Variants in PTPRD observed in about 807,000 individuals in gnomAD.
PTPRD encodes protein tyrosine phosphatase receptor type D, also known as receptor-type tyrosine-protein phosphatase delta.
Under a neutral mutation model 214.5 loss-of-function variants are expected in PTPRD, and 34 were observed. The ratio of observed to expected loss-of-function variants is 0.16; its 90% CI spans 0.12 to 0.21. The LOEUF (loss-of-function observed/expected upper bound fraction) is 0.21. PTPRD is among the 10% of genes least tolerant of loss of function. The pLI is 1.00. For synonymous variants in PTPRD, 1,128 were observed against 845.7 expected (o/e 1.33, Z -5.79); for missense variants, 2,545 against 2,398.7 (o/e 1.06, Z -1.27).
chr9:8,975,113 A>G lies in PTPRD; in HGVS notation c.-104+43584T>C, dbSNP rs117235886. ...ACTCTGTCTCAAAAAAAAAAAAAAAAAGATTTTCAGAGACTGTTTATCAAA... is the reference window on the plus strand; with the variant it reads ...ACTCTGTCTCAAAAAAAAAAAAAAAGAGATTTTCAGAGACTGTTTATCAAA... On this transcript the variant is annotated intron_variant, in intron 11 of 45. Transcript: ENST00000381196. 0.01 allele frequency among the ~76,000 whole-genome samples: 1,579 copies of G among 151,646 alleles called. 78 individuals are homozygous for G. The East Asian group carries it at 0.12, about 12-fold the overall frequency.
chr9:8,895,017 T>C (rs765616834), intron 11 of PTPRD, among the ~76,000 whole-genome samples: 8 of 152,228 alleles, frequency 5.3e-5, no homozygotes, highest in Admixed American at 1.3e-4. Flanking sequence ...TTTGCATATA[T>C]ATTGTCACAA....
chr9:10,009,405 G>C (rs752805327), intron 4 of PTPRD, among the ~76,000 whole-genome samples: 4 of 151,930 alleles, frequency 2.6e-5, no homozygotes, highest in Admixed American at 6.6e-5. Flanking sequence ...GGTCCAGAAA[G>C]CCAGGACAAC....
chr9:9,816,157 G>A (rs1304077084), intron 5 of PTPRD, among the ~76,000 whole-genome samples: 2 of 151,976 alleles, frequency 1.3e-5, no homozygotes, highest in Admixed American at 6.6e-5. Flanking sequence ...CTTCAATAAA[G>A]CTGGAAAACA....
At chr9:9,280,067 A>G (rs1179924828) in intron 9 of PTPRD, among the ~76,000 whole-genome samples, 1 of 151,330 alleles carries the variant, frequency 6.6e-6, no homozygotes, top group Non-Finnish European at 1.5e-5. Context: ...ACTGTTTTAC[A>G]AAGTGTGGTA....
intron 3 of PTPRD, among the ~76,000 whole-genome samples, chr9:10,041,584 T>C (rs541420961): frequency 3.0e-4 from 46 of 152,014 alleles, no homozygotes; most frequent in African/African-American, 1.1e-3. Flanking sequence ...TACCTTGTTA[T>C]ATTAGAGACT....
intron 2 of PTPRD, among the ~76,000 whole-genome samples, chr9:10,556,399 G>C (rs1306247218): frequency 6.6e-6 from 1 of 151,882 alleles, no homozygotes; most frequent in Non-Finnish European, 1.5e-5. Context: ...TGAAAACAGT[G>C]TTTTTCCATG....
At chr9:8,658,830 T>TTCCTTGATA (rs570572630) in intron 12 of PTPRD, among the ~76,000 whole-genome samples, 97 of 152,268 alleles carry the variant, frequency 6.4e-4, no homozygotes, top group African/African-American at 2.2e-3. Context: ...AATACTACAT[T>TTCCTTGATA]TCCTTGATAC....
intron 9 of PTPRD, among the ~76,000 whole-genome samples, chr9:9,382,859 T>C (rs1422616889): frequency 6.6e-6 from 1 of 152,122 alleles, no homozygotes; most frequent in African/African-American, 2.4e-5. Flanking sequence ...CCCATGTTCA[T>C]TGCAGAACGA....
At chr9:10,100,377 G>C (rs1217517689) in intron 3 of PTPRD, among the ~76,000 whole-genome samples, 1 of 151,640 alleles carries the variant, frequency 6.6e-6, no homozygotes, top group Non-Finnish European at 1.5e-5. Flanking sequence ...AGTGGAATTT[G>C]AACCAAAGCA....
intron 11 of PTPRD, among the ~76,000 whole-genome samples, chr9:8,831,860 T>A (rs892184882): frequency 3.3e-5 from 5 of 152,166 alleles, no homozygotes; most frequent in African/African-American, 4.8e-5. Flanking sequence ...CAAAAACTGC[T>A]TCCAAATCAC....
chr9:10,415,020 T>G (rs1448790570), intron 2 of PTPRD, among the ~76,000 whole-genome samples: 1 of 151,740 alleles, frequency 6.6e-6, no homozygotes, highest in Admixed American at 6.6e-5. Flanking sequence ...TGAAGTAATC[T>G]GTACAACAAA....
chr9:9,137,818 C>A (rs921684582), intron 10 of PTPRD, among the ~76,000 whole-genome samples: 3 of 152,128 alleles, frequency 2.0e-5, no homozygotes, highest in Admixed American at 6.5e-5. Context: ...CCACAAAGAG[C>A]AGGGAATAAA....
At chr9:9,301,592 A>C (rs1569567184) in intron 9 of PTPRD, among the ~76,000 whole-genome samples, 6 of 151,808 alleles carry the variant, frequency 4.0e-5, no homozygotes, top group Admixed American at 3.3e-4. Flanking sequence ...CGAGTTCATC[A>C]TTTTACTTTA....
chr9:9,335,779 G>C (rs1036726499), intron 9 of PTPRD, among the ~76,000 whole-genome samples: 4 of 151,922 alleles, frequency 2.6e-5, no homozygotes, highest in Admixed American at 2.0e-4. Context: ...TTACAAATGA[G>C]GACCCAGAAA....
At chr9:9,378,133 T>G (rs184123289) in intron 9 of PTPRD, among the ~76,000 whole-genome samples, 1 of 152,216 alleles carries the variant, frequency 6.6e-6, no homozygotes, top group East Asian at 1.9e-4. Context: ...GTTATACACT[T>G]TATGGATGTA....
chr9:8,930,800 A>G (rs1588265636), intron 11 of PTPRD, among the ~76,000 whole-genome samples: 1 of 151,768 alleles, frequency 6.6e-6, no homozygotes, highest in Admixed American at 6.6e-5. Context: ...CCACTTTTTG[A>G]TGGGGTTGTT....
At position 9,344,621 on chromosome 9, in the gene PTPRD, A is replaced by G. The variant is rs140756235; in HGVS notation, c.-203+52828T>C. On this transcript the variant is annotated intron_variant, in intron 9 of 45. Coordinates refer to ENST00000381196, the MANE Select transcript of PTPRD (RefSeq NM_002839.4). ...TAAAATTCACAAATGCAGATAAAAG[A>G]TATCTAGAAGGTCTGCACCACAATG... 9.2e-5 allele frequency among the ~76,000 whole-genome samples: 14 copies of G among 152,240 alleles called. No homozygotes were observed. In the East Asian group the frequency reaches 2.5e-3, roughly 27 times the overall value.
Position 9,429,195 on chromosome 9 carries a change from A to G in PTPRD, c.-236-31713T>C, listed in dbSNP as rs866766372. Reference sequence around the variant, plus strand: ...AGAAAAGAGAGAAGAATCAAATAGAACAATAAAAAATGACAAAGGGGATAT... The same window carrying G: ...AGAAAAGAGAGAAGAATCAAATAGAGCAATAAAAAATGACAAAGGGGATAT... On this transcript the variant is annotated intron_variant, in intron 8 of 45. Coordinates refer to ENST00000381196, the MANE Select transcript of PTPRD (RefSeq NM_002839.4). 1.1e-3 allele frequency among the ~76,000 whole-genome samples: 161 copies of G among 152,094 alleles called. 1 individual carries two copies. Among genetic ancestry groups the G allele is most frequent in the African/African-American group, 3.7e-3 (153 of 41,548 alleles).
chr9:9,864,069 C>T (rs2063391496), intron 5 of PTPRD, among the ~76,000 whole-genome samples: 4 of 152,166 alleles, frequency 2.6e-5, no homozygotes, highest in Admixed American at 2.0e-4. Flanking sequence ...CTTTAGGAGG[C>T]CGAAGTGGGT....
Sources: allele counts gnomAD v4.1 joint callset (sites outside exome capture counted in the v4.1 genomes callset), GRCh38; gene constraint gnomAD v4.1.1; transcripts MANE v1.5; gene names NCBI Gene and HGNC (gene_info 2026-07-23, HGNC 2026-07-21).